Variants in TENM2 observed in about 807,000 individuals in gnomAD.
The protein encoded by TENM2 is teneurin transmembrane protein 2.
TENM2 carries 52 observed loss-of-function variants against 245.2 expected under a neutral mutation model. The ratio of observed to expected loss-of-function variants is 0.21; its 90% CI spans 0.17 to 0.27. The LOEUF (loss-of-function observed/expected upper bound fraction) is 0.27, where lower values mean the gene tolerates loss of function less well. Among genes scored for constraint, TENM2 ranks in the 10% least tolerant of loss-of-function variants. The probability of loss-of-function intolerance (pLI) is 1.00; values close to 1 mark genes in which losing one functional copy is unlikely to be tolerated. For synonymous variants in TENM2, 1,363 were observed against 1,438.9 expected (o/e 0.95, Z 1.19); for missense variants, 3,046 against 3,666.8 (o/e 0.83, Z 4.37).
intron 5 of TENM2, among the ~76,000 whole-genome samples, chr5:168,006,961 C>T (rs917682968): frequency 3.9e-5 from 6 of 152,272 alleles, no homozygotes; most frequent in South Asian, 2.1e-4. Flanking sequence ...GTCGTGGTTA[C>T]GGCTGTTTTA....
At chr5:167,457,863 G>A (rs949354830) in intron 2 of TENM2, among the ~76,000 whole-genome samples, 2 of 152,106 alleles carry the variant, frequency 1.3e-5, no homozygotes, top group Admixed American at 6.6e-5. Flanking sequence ...CCATTCCTAA[G>A]TCATTGAGAG....
intron 4 of TENM2, among the ~76,000 whole-genome samples, chr5:167,959,502 C>T (rs1224606399): frequency 6.6e-6 from 1 of 152,186 alleles, no homozygotes; most frequent in Non-Finnish European, 1.5e-5. Context: ...GCTATTGATA[C>T]TTGTGTATGC....
At chr5:167,231,338 C>G in the TENM2 span, among the ~76,000 whole-genome samples, 1 of 152,292 alleles carries the variant, frequency 6.6e-6, no homozygotes, top group East Asian at 1.9e-4. Context: ...TTCGTAGAGA[C>G]TTGTTGAATA....
At chr5:166,981,986 TAA>T in the TENM2 span, among the ~76,000 whole-genome samples, 5 of 152,220 alleles carry the variant, frequency 3.3e-5, no homozygotes, top group Non-Finnish European at 5.9e-5. Context: ...TAATAATTAT[TAA>T]GTTTGTTAAT....
At chr5:167,070,131 T>TAA in the TENM2 span, among the ~76,000 whole-genome samples, 1 of 151,186 alleles carries the variant, frequency 6.6e-6, no homozygotes, top group African/African-American at 2.4e-5. Context: ...ATTTATTTAT[T>TAA]TTTTGAGACA....
chr5:167,018,103 C>T, the TENM2 span, among the ~76,000 whole-genome samples: 1 of 152,138 alleles, frequency 6.6e-6, no homozygotes, highest in African/African-American at 2.4e-5. Flanking sequence ...ATAAAATGTG[C>T]AGCTAGATTA....
intron 2 of TENM2, among the ~76,000 whole-genome samples, chr5:167,621,081 T>G (rs1458266573): frequency 6.6e-6 from 1 of 152,170 alleles, no homozygotes; most frequent in African/African-American, 2.4e-5. Context: ...TCCTTTGATT[T>G]ACTTATCCAT....
At chr5:167,606,724 C>G (rs374287821) in intron 2 of TENM2, among the ~76,000 whole-genome samples, 1 of 152,166 alleles carries the variant, frequency 6.6e-6, no homozygotes, top group African/African-American at 2.4e-5. Context: ...CCAGGCCTAA[C>G]TCTTCATCCT....
chr5:167,146,178 G>A, the TENM2 span, among the ~76,000 whole-genome samples: 4 of 152,266 alleles, frequency 2.6e-5, no homozygotes, highest in East Asian at 7.7e-4. Context: ...TATTTATGGA[G>A]CTGACAATAT....
chr5:167,035,009 A>G, the TENM2 span, among the ~76,000 whole-genome samples: 2 of 152,336 alleles, frequency 1.3e-5, no homozygotes, highest in African/African-American at 4.8e-5. Flanking sequence ...GAGGGGGTAC[A>G]TTAAACAATC....
chr5:168,109,877 A>G (rs1019358708), intron 9 of TENM2, among the ~76,000 whole-genome samples: 2 of 152,140 alleles, frequency 1.3e-5, no homozygotes, highest in African/African-American at 2.4e-5. Flanking sequence ...TGCAGTGCAC[A>G]TTATTTGGTG....
At chr5:167,564,842 T>A (rs1043432556) in intron 2 of TENM2, among the ~76,000 whole-genome samples, 2 of 152,242 alleles carry the variant, frequency 1.3e-5, no homozygotes, top group African/African-American at 4.8e-5. Flanking sequence ...AAGAACTTCT[T>A]GTGCCTTTTC....
the TENM2 span, among the ~76,000 whole-genome samples, chr5:167,079,287 G>A: frequency 0.032 from 4,556 of 142,092 alleles, 90 homozygotes; most frequent in South Asian, 0.093. Flanking sequence ...ACACACACAC[G>A]CATATTATAT....
intron 12 of TENM2, among the ~76,000 whole-genome samples, chr5:168,130,804 G>T (rs543880647): frequency 6.6e-6 from 1 of 152,052 alleles, no homozygotes; most frequent in African/African-American, 2.4e-5. Context: ...TGGGAGAATC[G>T]CTTGAGCCCA....
At chr5:167,471,809 A>T (rs537438239) in intron 2 of TENM2, among the ~76,000 whole-genome samples, 1 of 152,298 alleles carries the variant, frequency 6.6e-6, no homozygotes, top group South Asian at 2.1e-4. Flanking sequence ...TGGAGAGGGG[A>T]AAAATGTAAT....
intron 5 of TENM2, among the ~76,000 whole-genome samples, chr5:168,006,145 G>C (rs1784801750): frequency 6.6e-6 from 1 of 152,184 alleles, no homozygotes; most frequent in Non-Finnish European, 1.5e-5. Flanking sequence ...TGAGGCTACA[G>C]TTTTAGCCCA....
chr5:167,749,246 A>G (rs921291860), intron 2 of TENM2, among the ~76,000 whole-genome samples: 15 of 152,208 alleles, frequency 9.9e-5, no homozygotes, highest in Admixed American at 6.5e-4. Flanking sequence ...GAGAGATTAA[A>G]TAAGACATTA....
intron 2 of TENM2, among the ~76,000 whole-genome samples, chr5:167,837,840 A>G (rs1172818292): frequency 6.6e-6 from 1 of 151,342 alleles, no homozygotes; most frequent in Non-Finnish European, 1.5e-5. Flanking sequence ...GCTCTTACGC[A>G]TTTGCAGTAG....
chr5:167,290,143 C>G (rs1754550483), intron 1 of TENM2, among the ~76,000 whole-genome samples: 1 of 152,126 alleles, frequency 6.6e-6, no homozygotes, highest in African/African-American at 2.4e-5. Context: ...GAATCTACAA[C>G]TTTTCAATGT....
Sources: gnomAD v4.1 joint callset for allele counts (sites outside exome capture counted in the v4.1 genomes callset) on GRCh38, gnomAD v4.1.1 for gene constraint, MANE v1.5 for transcripts, NCBI Gene and HGNC (gene_info 2026-07-23, HGNC 2026-07-21) for gene names.